Variants in SPATS2L observed in about 807,000 individuals in gnomAD.
SPATS2L encodes spermatogenesis associated serine rich 2 like, also known as SPATS2-like protein.
SPATS2L carries 30 observed loss-of-function variants against 59.6 expected under a neutral mutation model. The observed-to-expected ratio is 0.50, with a 90% confidence interval of 0.38 to 0.68. The LOEUF is 0.68. Among genes scored for constraint, SPATS2L ranks in the 30% least tolerant of loss-of-function variants. SPATS2L has a pLI of 0.00. For missense variants in SPATS2L, 615 were observed against 700.0 expected (o/e 0.88, Z 1.37); for synonymous variants, 252 against 263.5 (o/e 0.96, Z 0.42).
intron 8 of SPATS2L, 53 bp downstream of exon 8, chr2:200,440,837 C>T (rs2084647559): frequency 6.4e-7 from 1 of 1,572,966 alleles, no homozygotes; most frequent in Non-Finnish European, 8.7e-7. Flanking sequence ...GCTGTTCCAA[C>T]AGGTAAAAGT....
intron 8 of SPATS2L, among the ~76,000 whole-genome samples, chr2:200,445,259 G>A (rs2084957022): frequency 6.6e-6 from 1 of 152,204 alleles, no homozygotes; most frequent in Non-Finnish European, 1.5e-5. Context: ...GCTGTGGTGA[G>A]CCGAGGTCGT....
At chr2:200,458,490 A>G (rs2086009570) in intron 8 of SPATS2L, among the ~76,000 whole-genome samples, 1 of 152,216 alleles carries the variant, frequency 6.6e-6, no homozygotes, top group South Asian at 2.1e-4. Flanking sequence ...AGATTTCTAC[A>G]TCTAATAACA....
chr2:200,467,339 C>T lies in SPATS2L; in HGVS notation c.897C>T (p.Leu299=), dbSNP rs751287230. The change falls in exon 10 of 13, where the codon CTC becomes CTT. Residue 299 remains leucine (L), a synonymous_variant. Transcript: ENST00000409140. ...RQKKAEELKR[L]TDLASQMAEM... ...AGAAAGCAGAAGAACTAAAGAGACT[C>T]ACTGACCTTGCCAGTCAGATGGCAG... is the stretch of plus-strand genomic sequence containing the variant. The T allele has an allele frequency of 3.0e-5, 48 of 1,613,930 alleles. No homozygotes were observed. In the East Asian group the frequency reaches 1.0e-3, roughly 34 times the overall value.
chr2:200,385,435 G>A (rs1271636721), intron 2 of SPATS2L, among the ~76,000 whole-genome samples: 3 of 152,182 alleles, frequency 2.0e-5, no homozygotes, highest in Non-Finnish European at 4.4e-5. Context: ...GCAGAAAAGA[G>A]AATCTCAAAA....
intron 9 of SPATS2L, among the ~76,000 whole-genome samples, chr2:200,465,746 G>A (rs1277212489): frequency 1.3e-5 from 2 of 152,190 alleles, no homozygotes; most frequent in Non-Finnish European, 1.5e-5. Flanking sequence ...AAAAGATGAT[G>A]TCTTAGGGCC....
intron 1 of SPATS2L, among the ~76,000 whole-genome samples, 157 bp from the exon 2 acceptor site, chr2:200,329,274 T>C (rs892671967): frequency 2.0e-4 from 30 of 152,214 alleles, no homozygotes; most frequent in African/African-American, 7.2e-4. Context: ...TTACTCCACC[T>C]ACCTGGAGTC....
rs374662663 is a variant in SPATS2L at position 200,389,300 on chromosome 2, C to T, written c.39+17C>T. On this transcript the variant is annotated intron_variant, in intron 3 of 12. Transcript: ENST00000409140. ...AAGGAAAAGGTAAGATCAAGTTATA[C>T]GTTGGCTCACAGAAACTCCAAACTA... 61 of 1,554,802 alleles carry T rather than the reference C, an allele frequency of 3.9e-5. No homozygotes were observed. The African/African-American group carries it at 4.9e-4, about 12-fold the overall frequency.
At chr2:200,385,839 C>T (rs1181428858) in intron 2 of SPATS2L, among the ~76,000 whole-genome samples, 2 of 152,042 alleles carry the variant, frequency 1.3e-5, no homozygotes, top group African/African-American at 2.4e-5. Context: ...ACTACAGGCG[C>T]CCGCCACCAC....
At chr2:200,399,960 G>GA (rs199802399) in intron 3 of SPATS2L, among the ~76,000 whole-genome samples, 1,683 of 150,896 alleles carry the variant, frequency 0.011, 16 homozygotes, top group Non-Finnish European at 0.017. Flanking sequence ...GAATGAGCAG[G>GA]AAAAAAAAAT....
intron 8 of SPATS2L, among the ~76,000 whole-genome samples, chr2:200,450,379 A>G (rs1255861930): frequency 6.6e-6 from 1 of 152,076 alleles, no homozygotes; most frequent in Non-Finnish European, 1.5e-5. Context: ...GAGTCCAGCT[A>G]TGGGATAGGA....
chr2:200,309,768 C>G (rs760508437), intron 1 of SPATS2L, among the ~76,000 whole-genome samples: 3 of 152,136 alleles, frequency 2.0e-5, no homozygotes, highest in Non-Finnish European at 4.4e-5. Context: ...ACAAACCTTT[C>G]TTTTTTCTTC....
At chr2:200,308,915 A>G (rs1478597662) in intron 1 of SPATS2L, 5 of 629,638 alleles carry the variant, frequency 7.9e-6, no homozygotes, top group Non-Finnish European at 1.2e-5. Context: ...TCTTCAGTAA[A>G]TAGTTTTTCT....
intron 2 of SPATS2L, among the ~76,000 whole-genome samples, chr2:200,379,795 A>G (rs370330877): frequency 8.7e-4 from 133 of 152,270 alleles, no homozygotes; most frequent in African/African-American, 3.2e-3. Context: ...TCTGCTTCAC[A>G]TAACGTTGGC....
intron 1 of SPATS2L, among the ~76,000 whole-genome samples, chr2:200,321,847 T>C (rs1415724209): frequency 5.9e-5 from 9 of 152,222 alleles, no homozygotes; most frequent in Non-Finnish European, 4.4e-5. Flanking sequence ...GTAAGTCTGT[T>C]ACGCCCATTT....
intron 2 of SPATS2L, among the ~76,000 whole-genome samples, chr2:200,333,482 A>AT (rs1159901155): frequency 1.3e-5 from 2 of 151,326 alleles, no homozygotes; most frequent in Non-Finnish European, 2.9e-5. Flanking sequence ...GTTTTTTAAA[A>AT]TTTTTTTTAT....
At chr2:200,369,616 A>G (rs1244314463) in intron 2 of SPATS2L, among the ~76,000 whole-genome samples, 2 of 152,110 alleles carry the variant, frequency 1.3e-5, no homozygotes, top group African/African-American at 4.8e-5. Flanking sequence ...AGTATTAAGT[A>G]CTGGATAATA....
intron 2 of SPATS2L, among the ~76,000 whole-genome samples, chr2:200,369,707 A>G (rs1291655098): frequency 6.6e-6 from 1 of 152,174 alleles, no homozygotes; most frequent in African/African-American, 2.4e-5. Context: ...AATCCTACAG[A>G]AAATAATGGT....
chr2:200,399,193 A>G (rs1368054116), intron 3 of SPATS2L, among the ~76,000 whole-genome samples: 1 of 152,116 alleles, frequency 6.6e-6, no homozygotes, highest in East Asian at 1.9e-4. Flanking sequence ...CATAACTGAA[A>G]TTTCATACCC....
chr2:200,423,679 T>G (rs145952806), intron 6 of SPATS2L, among the ~76,000 whole-genome samples: 1 of 152,260 alleles, frequency 6.6e-6, no homozygotes, highest in East Asian at 1.9e-4. Flanking sequence ...TGTGCTTGAG[T>G]GAGTTCACAG....
Sources: gnomAD v4.1 joint callset for allele counts (sites outside exome capture counted in the v4.1 genomes callset) on GRCh38, gnomAD v4.1.1 for gene constraint, MANE v1.5 for transcripts, NCBI Gene and HGNC (gene_info 2026-07-23, HGNC 2026-07-21) for gene names.